NPAS2: variants seen among roughly 807,000 people sequenced by gnomAD.
NPAS2 encodes the protein neuronal PAS domain-containing protein 2.
Under a neutral mutation model 107.5 loss-of-function variants are expected in NPAS2, and 23 were observed. The observed-to-expected ratio is 0.21, with a 90% CI of 0.15 to 0.30. The LOEUF (loss-of-function observed/expected upper bound fraction) is 0.30, where lower values mean the gene tolerates loss of function less well. Ranked by LOEUF, NPAS2 falls within the 10% of genes least tolerant of loss-of-function variation. NPAS2 has a pLI of 1.00. For missense variants in NPAS2, 756 were observed against 1,043.3 expected (o/e 0.72, Z 3.79); for synonymous variants, 403 against 417.5 (o/e 0.97, Z 0.42).
chr2:100,964,325 C>T (rs535178198), intron 8 of NPAS2, 149 bp downstream of exon 8: 6 of 690,458 alleles, frequency 8.7e-6, no homozygotes, highest in Admixed American at 6.3e-5. Flanking sequence ...TCTGTGCCTG[C>T]ACACACGCCC....
intron 2 of NPAS2, among the ~76,000 whole-genome samples, chr2:100,922,372 A>G (rs1463376282): frequency 6.6e-6 from 1 of 152,158 alleles, no homozygotes; most frequent in African/African-American, 2.4e-5. Context: ...ACCTGAGGTC[A>G]GGAGTTCGAG....
Position 100,915,307 on chromosome 2 carries a change from G to A in NPAS2, c.33-9839G>A, listed in dbSNP as rs555492325. ...CTACTGCTTGGCCCCAGATGAAAGC[G>A]CAGATGTAGGTAGTATGAGGAAGGG... On this transcript the variant is annotated intron_variant, in intron 2 of 20. Coordinates refer to ENST00000335681, the MANE Select transcript of NPAS2 (RefSeq NM_002518.4). 7.2e-5 allele frequency among the ~76,000 whole-genome samples: 11 copies of A among 152,230 alleles called. No individual in the cohort carries two copies. The East Asian group carries it at 1.2e-3, about 16-fold the overall frequency.
At chr2:100,957,161 A>G (rs1449141445) in intron 7 of NPAS2, among the ~76,000 whole-genome samples, 4 of 152,218 alleles carry the variant, frequency 2.6e-5, no homozygotes, top group African/African-American at 9.6e-5. Context: ...TAGATTTTTA[A>G]TAAATGTGAA....
Position 100,982,604 on chromosome 2 carries a change from C to T in NPAS2, c.1629+227C>T, listed in dbSNP as rs1677519134. 1.6e-5 allele frequency: 9 copies of T among 580,478 alleles called. No homozygotes were observed. The East Asian group carries it at 2.6e-4, about 17-fold the overall frequency. 36.0% of individuals were successfully genotyped at this position (580,478 alleles called of 1,614,324 possible). A position where few individuals can be genotyped will look rare whatever the true frequency, so the allele number is the denominator to read the frequency against. On this transcript the variant is annotated intron_variant, in intron 16 of 20. Transcript: ENST00000335681. ...TGATGTCCTCTTCCCTCGCCCCTCA[C>T]TCTGACAGGCACATCTGCTCACTGC...
rs529955453 is a variant in NPAS2, at chr2:100,905,622, C to T, written c.32+836C>T. The stretch of plus-strand genomic sequence containing the variant: ...GAGCCTTGGCAGCAGGGGACATCCT[C>T]TCTGGAGACACTCTTCATTGCAACC... On this transcript the variant is annotated intron_variant, in intron 2 of 20. Transcript: ENST00000335681. Among the ~76,000 whole-genome samples the T allele has an allele frequency of 5.3e-5, 8 of 152,256 alleles. No individual in the cohort carries two copies. In the East Asian group the frequency reaches 1.5e-3, roughly 29 times the overall value.
intron 1 of NPAS2, among the ~76,000 whole-genome samples, chr2:100,845,998 A>G (rs906858990): frequency 1.4e-4 from 21 of 152,174 alleles, no homozygotes; most frequent in Admixed American, 2.6e-4. Context: ...TGCAAGTTCA[A>G]TGCTGTGGCT....
At chr2:100,856,110 CATATT>C (rs1678540018) in intron 1 of NPAS2, among the ~76,000 whole-genome samples, 1 of 152,144 alleles carries the variant, frequency 6.6e-6, no homozygotes, top group Non-Finnish European at 1.5e-5. Context: ...CTAAAATTGA[CATATT>C]GAGAGAAACC....
At chr2:100,826,995 A>G (rs1676430678) in intron 1 of NPAS2, among the ~76,000 whole-genome samples, 1 of 152,234 alleles carries the variant, frequency 6.6e-6, no homozygotes, top group Non-Finnish European at 1.5e-5. Flanking sequence ...TATTGGCTAC[A>G]TAATAGTTAT....
rs770419767 is a variant in NPAS2, at chr2:100,968,389, C to T, written c.1016C>T (p.Ser339Phe). 6.2e-7 allele frequency: 1 copy of T among 1,614,126 alleles called. No homozygotes were observed. The highest frequency in any genetic ancestry group is 8.5e-7 in the Non-Finnish European group (1 of 1,180,030). The change falls in exon 11 of 21, where the codon TCC becomes TTC. Residue 339 changes from serine to phenylalanine, a missense_variant. Physicochemically the swap from Ser to Phe is radical, Grantham distance 155 (BLOSUM62 -2). Transcript: ENST00000335681. The surrounding 1 kb of genome is among the most constrained non-coding windows in gnomAD (Gnocchi z 5.3). Reference sequence around the variant, plus strand: ...TACATCACCTACCATCAGTGGAACTCCAAGCCCGAGTTCATCGTGTGCACA... The same window carrying T: ...TACATCACCTACCATCAGTGGAACTTCAAGCCCGAGTTCATCGTGTGCACA... ...HYYITYHQWNSKPEFIVCTHS... is the reference protein window; with the variant it reads ...HYYITYHQWNFKPEFIVCTHS...
chr2:100,908,944 CCTAATT>C (rs1558862758), intron 2 of NPAS2, among the ~76,000 whole-genome samples: 1 of 152,118 alleles, frequency 6.6e-6, no homozygotes. Context: ...ATTCTTTGAC[CCTAATT>C]CTTAGTCTCA....
At position 100,936,513 on chromosome 2, in the gene NPAS2, G is replaced by C. The variant is rs192538102; in HGVS notation, c.274-1240G>C. Reference sequence around the variant, plus strand: ...AAAGACTTGCTTTCTGGAGAGGTAGGCTTCATTTCTAGTCTCCTCCCCCTC... The same window carrying C: ...AAAGACTTGCTTTCTGGAGAGGTAGCCTTCATTTCTAGTCTCCTCCCCCTC... On this transcript the variant is annotated intron_variant, in intron 4 of 20. Transcript: ENST00000335681. 3.7e-3 allele frequency among the ~76,000 whole-genome samples: 558 copies of C among 152,220 alleles called. 4 individuals carry two copies. The highest frequency in any genetic ancestry group is 0.013 in the African/African-American group (531 of 41,542).
chr2:100,834,909 T>C (rs1676963038), intron 1 of NPAS2, among the ~76,000 whole-genome samples: 1 of 152,158 alleles, frequency 6.6e-6, no homozygotes, highest in South Asian at 2.1e-4. Context: ...GAGACCGGGT[T>C]TCACCATGTT....
At chr2:100,973,332 C>T (rs992446163) in intron 12 of NPAS2, among the ~76,000 whole-genome samples, 1 of 152,168 alleles carries the variant, frequency 6.6e-6, no homozygotes, top group African/African-American at 2.4e-5. Flanking sequence ...TGCAGATTCC[C>T]GTGTGTGGAC....
At chr2:100,949,002 T>C (rs1437458281) in intron 6 of NPAS2, among the ~76,000 whole-genome samples, 1 of 152,218 alleles carries the variant, frequency 6.6e-6, no homozygotes, top group African/African-American at 2.4e-5. Flanking sequence ...TACATCTGAT[T>C]TTACTTCAAA....
At chr2:100,890,855 G>A (rs913980712) in intron 1 of NPAS2, among the ~76,000 whole-genome samples, 5 of 152,156 alleles carry the variant, frequency 3.3e-5, no homozygotes, top group Admixed American at 1.3e-4. Flanking sequence ...GGCCTTGGCT[G>A]AGTCAGCAGG....
chr2:100,893,357 T>A (rs921062968), intron 1 of NPAS2, among the ~76,000 whole-genome samples: 10 of 152,236 alleles, frequency 6.6e-5, no homozygotes, highest in Non-Finnish European at 1.3e-4. Context: ...TGCTCGGTTT[T>A]GCCTTTTATG....
chr2:100,960,253 T>C (rs1420652280), intron 7 of NPAS2, among the ~76,000 whole-genome samples: 1 of 152,102 alleles, frequency 6.6e-6, no homozygotes, highest in African/African-American at 2.4e-5. Flanking sequence ...TGGACTGTTT[T>C]AATAGAAAGA....
intron 15 of NPAS2, among the ~76,000 whole-genome samples, chr2:100,980,244 G>A (rs1677352555): frequency 6.6e-6 from 1 of 152,144 alleles, no homozygotes; most frequent in African/African-American, 2.4e-5. Flanking sequence ...GGGCACCGAT[G>A]AGCCGCCTCC....
chr2:100,882,631 A>G (rs531702032), intron 1 of NPAS2, among the ~76,000 whole-genome samples: 1 of 152,230 alleles, frequency 6.6e-6, no homozygotes, highest in South Asian at 2.1e-4. Flanking sequence ...CAAACAAACA[A>G]AAAACGATGG....
Sources: allele counts gnomAD v4.1 joint callset (sites outside exome capture counted in the v4.1 genomes callset), GRCh38; gene constraint gnomAD v4.1.1; non-coding constraint Gnocchi (gnomAD v3.1); transcripts MANE v1.5; gene names NCBI Gene and HGNC (gene_info 2026-07-23, HGNC 2026-07-21).